Variants in FNTB observed in about 807,000 individuals in gnomAD.
FNTB encodes farnesyltransferase, CAAX box, subunit beta, also known as protein farnesyltransferase subunit beta.
Under a neutral mutation model 59.4 loss-of-function variants are expected in FNTB, and 27 were observed. The observed-to-expected ratio is 0.45, with a 90% CI of 0.34 to 0.63. The LOEUF (loss-of-function observed/expected upper bound fraction) is 0.63. Among genes scored for constraint, FNTB ranks in the 20% least tolerant of loss-of-function variants. The pLI is 0.02. For missense variants in FNTB, 449 were observed against 559.6 expected, an observed-to-expected ratio of 0.80 and a Z score of 1.99; for synonymous variants, 230 against 220.7, an observed-to-expected ratio of 1.04 and a Z score of -0.37.
At position 65,061,326 on chromosome 14, in the gene FNTB, C is replaced by A; in HGVS notation, c.*14C>A. 2 of 1,613,192 alleles carry A rather than the reference C, an allele frequency of 1.2e-6. No homozygotes were observed. The highest frequency in any genetic ancestry group is 1.7e-6 in the Non-Finnish European group (2 of 1,179,946). On this transcript the variant is annotated 3_prime_UTR_variant, in exon 12 of 12. Transcript: ENST00000246166. Reference sequence around the variant, plus strand: ...GCAACCGACTAGAGGACCTGGGTCCCGGCAGCTCTTTGCTCACCCATCTCC... The same window carrying A: ...GCAACCGACTAGAGGACCTGGGTCCAGGCAGCTCTTTGCTCACCCATCTCC...
chr14:65,026,440 G>T (rs935533643), intron 4 of FNTB, among the ~76,000 whole-genome samples: 38 of 152,274 alleles, frequency 2.5e-4, no homozygotes, highest in African/African-American at 9.1e-4. Context: ...CCAAGAACCC[G>T]CAGACTGGGA....
rs759867167 is a variant in FNTB, at chr14:65,027,461, A to C, written c.383A>C (p.Gln128Pro). ...IPQIVATDVCQFLELCQSPEG... is the reference protein window; with the variant it reads ...IPQIVATDVCPFLELCQSPEG... Reference sequence around the variant, plus strand: ...TTTGGCTGTGTACCTAGTGTGTGTCAGTTCCTGGAGCTGTGTCAGAGCCCA... The same window carrying C: ...TTTGGCTGTGTACCTAGTGTGTGTCCGTTCCTGGAGCTGTGTCAGAGCCCA... The change falls in exon 5 of 12, where the codon CAG becomes CCG. Residue 128 changes from glutamine to proline, a missense_variant. Coordinates refer to ENST00000246166, the MANE Select transcript of FNTB (RefSeq NM_002028.4). The surrounding 1 kb of genome is among the most constrained non-coding windows in gnomAD (Gnocchi z 5.7). 6 of 1,614,062 alleles carry C rather than the reference A, an allele frequency of 3.7e-6. No homozygotes were observed. The Admixed American group carries it at 1.0e-4, about 27-fold the overall frequency.
At chr14:65,021,835 G>A in intron 4 of FNTB, 1 of 425,410 alleles carries the variant, frequency 2.4e-6, no homozygotes, top group East Asian at 7.2e-5. Flanking sequence ...TAGTAGAGAT[G>A]GGGTTTCACC....
intron 1 of FNTB, among the ~76,000 whole-genome samples, chr14:64,992,839 G>A (rs1566859928): frequency 6.6e-6 from 1 of 151,676 alleles, no homozygotes; most frequent in East Asian, 1.9e-4. Flanking sequence ...TTTTTCAAAT[G>A]ATTTCTATTT....
chr14:65,045,532 C>T (rs1215052807), intron 9 of FNTB, among the ~76,000 whole-genome samples: 1 of 151,764 alleles, frequency 6.6e-6, no homozygotes, highest in Non-Finnish European at 1.5e-5. Context: ...TCTCCTGCCT[C>T]AGCCTCCTGA....
In FNTB at chr14:64,987,090, T is replaced by G. The variant is rs774776136; in HGVS notation, c.137T>G (p.Ile46Arg). ...GACTCGGTGGAAACAGTCACGTCCA[T>G]AGAACAGGTGAGGTGGCAGGACTGG... is the stretch of plus-strand genomic sequence containing the variant. Reference protein sequence around the residue: ...QDDSVETVTSIEQAKVEEKIQ... With the variant: ...QDDSVETVTSREQAKVEEKIQ... The change falls in exon 1 of 12, where the codon ATA becomes AGA. Residue 46 changes from isoleucine (I) to arginine (R), a missense_variant. Around this residue, in one of 2 missense-constraint regions of FNTB, gnomAD observed 112 missense variants for 80.5 expected, o/e 1.39. Transcript: ENST00000246166. The G allele has an allele frequency of 3.1e-6, 5 of 1,614,164 alleles. No individual in the cohort carries two copies. In the South Asian group the frequency reaches 5.5e-5, roughly 18 times the overall value.
rs887405112 is a variant in FNTB at position 65,031,853 on chromosome 14, G to A, written c.606-757G>A. On this transcript the variant is annotated intron_variant, in intron 6 of 11. Transcript: ENST00000246166. This position sits in a 1 kb window ranked among gnomAD's most constrained non-coding sequence, Gnocchi z 4.6. ...GGAGAATTGCTTGAACCCAGGAGGC[G>A]GAGGTTGCAGTGAGCTGAGATCATA... Among the ~76,000 whole-genome samples, 5 of 152,190 alleles carry A rather than the reference G, an allele frequency of 3.3e-5. No individual in the cohort carries two copies. In the East Asian group the frequency reaches 5.8e-4, roughly 18 times the overall value.
At chr14:65,060,940 T>C (rs1434283845) in intron 11 of FNTB, among the ~76,000 whole-genome samples, 1 of 151,664 alleles carries the variant, frequency 6.6e-6, no homozygotes, top group East Asian at 1.9e-4. Flanking sequence ...ACATAATATG[T>C]TGTAAGTATT....
chr14:65,018,792 AGAGT>A (rs2061827958), intron 4 of FNTB, among the ~76,000 whole-genome samples: 1 of 141,582 alleles, frequency 7.1e-6, no homozygotes, highest in South Asian at 2.3e-4. Context: ...CCTGGAGGAC[AGAGT>A]GAGACTCTGT....
In FNTB at chr14:65,027,643, C is replaced by T. The variant is rs760835006; in HGVS notation, c.521+44C>T. ...GTGACAGAAACCTAGAGGAGTTCCC[C>T]GCCTGCTGACACGCACTGACTGTTG... On this transcript the variant is annotated intron_variant, in intron 5 of 11. Coordinates refer to ENST00000246166, the MANE Select transcript of FNTB (RefSeq NM_002028.4). The surrounding 1 kb of genome is among the most constrained non-coding windows in gnomAD (Gnocchi z 5.7). The T allele has an allele frequency of 2.4e-5, 38 of 1,613,848 alleles. No homozygotes were observed. The Middle Eastern group carries it at 8.2e-4, about 35-fold the overall frequency.
At chr14:65,026,010 C>T (rs572084068) in intron 4 of FNTB, among the ~76,000 whole-genome samples, 17 of 152,268 alleles carry the variant, frequency 1.1e-4, no homozygotes, top group African/African-American at 2.9e-4. Flanking sequence ...ACTCTGAAAT[C>T]GAAAGCAATT....
At chr14:64,989,296 T>TAAAAA (rs1566858807) in intron 1 of FNTB, among the ~76,000 whole-genome samples, 1 of 115,222 alleles carries the variant, frequency 8.7e-6, no homozygotes. Context: ...AAAAAAAAAG[T>TAAAAA]AGCTGAGCGT....
rs1395254524 is a variant in FNTB, at chr14:64,994,339, T to C, written c.144+7242T>C. 2.6e-5 allele frequency among the ~76,000 whole-genome samples: 4 copies of C among 152,190 alleles called. No individual in the cohort carries two copies. The highest frequency in any genetic ancestry group is 5.9e-5 in the Non-Finnish European group (4 of 68,028). ...GAGTCTAACACAATCTCTCCATTAC[T>C]GAACAATACAAACTAATATACATAT... On this transcript the variant is annotated intron_variant, in intron 1 of 11. Coordinates refer to ENST00000246166, the MANE Select transcript of FNTB (RefSeq NM_002028.4). The surrounding 1 kb of genome is among the most constrained non-coding windows in gnomAD (Gnocchi z 4.2).
intron 7 of FNTB, among the ~76,000 whole-genome samples, chr14:65,033,709 T>C (rs2062131892): frequency 6.6e-6 from 1 of 152,012 alleles, no homozygotes; most frequent in Non-Finnish European, 1.5e-5. Flanking sequence ...TACAAAAAAT[T>C]AGCTGGGCAT....
At chr14:65,055,545 C>G (rs2062716140) in intron 11 of FNTB, among the ~76,000 whole-genome samples, 1 of 151,450 alleles carries the variant, frequency 6.6e-6, no homozygotes, top group Non-Finnish European at 1.5e-5. Context: ...GAGACAAAGT[C>G]TCACTCTGTC....
intron 11 of FNTB, among the ~76,000 whole-genome samples, chr14:65,057,365 G>A (rs544497829): frequency 6.6e-5 from 10 of 152,246 alleles, no homozygotes; most frequent in African/African-American, 2.4e-4. Context: ...GGTAGTCAAG[G>A]CTGCAGTGAG....
At position 65,061,261 on chromosome 14, in the gene FNTB, A is replaced by G. The variant is rs758099523; in HGVS notation, c.1263A>G (p.Pro421=). Residue 421 remains proline, a synonymous_variant, in exon 12 of 12, where the codon CCA becomes CCG. Transcript: ENST00000246166. The stretch of plus-strand genomic sequence containing the variant: ...CATACTTTCTACAGAAGCCAGTCCC[A>G]GGTTTTGAGGAGCTTAAGGATGAGA... ...ATTYFLQKPV[P]GFEELKDETS... 6.2e-7 allele frequency: 1 copy of G among 1,614,182 alleles called. No homozygotes were observed. Among genetic ancestry groups the G allele is most frequent in the Non-Finnish European group, 8.5e-7 (1 of 1,180,036 alleles).
rs543543318 is a variant in FNTB at position 65,054,895 on chromosome 14, C to T, written c.1182+206C>T. 4.2e-4 allele frequency among the ~76,000 whole-genome samples: 64 copies of T among 152,322 alleles called. No individual in the cohort carries two copies. The highest frequency in any genetic ancestry group is 1.4e-3 in the African/African-American group (59 of 41,562). ...GGGCAAGCTCAGGGTTCCAGATGGG[C>T]GGTCTGATCTGTCAAAGAGCTGTTG... On this transcript the variant is annotated intron_variant, in intron 11 of 11. Transcript: ENST00000246166. The surrounding 1 kb of genome is among the most constrained non-coding windows in gnomAD (Gnocchi z 4.4).
chr14:65,054,470 G>A lies in FNTB; in HGVS notation c.1068-105G>A, dbSNP rs1042594652. 3 of 1,120,876 alleles carry A rather than the reference G, an allele frequency of 2.7e-6. No homozygotes were observed. The highest frequency in any genetic ancestry group is 2.2e-5 in the Admixed American group (1 of 45,256). 69.4% of individuals were successfully genotyped at this position (1,120,876 alleles called of 1,614,324 possible). A position where few individuals can be genotyped will look rare whatever the true frequency, so the allele number is the denominator to read the frequency against. ...GCCTCCTCTAGCCACATGGAGGATG[G>A]GGGGGGACGTGTGATTGCACCAGTG... On this transcript the variant is annotated intron_variant, in intron 10 of 11. Transcript: ENST00000246166. This position sits in a 1 kb window ranked among gnomAD's most constrained non-coding sequence, Gnocchi z 4.4.
Sources: gnomAD v4.1 joint callset for allele counts (sites outside exome capture counted in the v4.1 genomes callset) on GRCh38, gnomAD v4.1.1 for gene constraint, gnomAD v4.1.1 regional missense constraint, Gnocchi (gnomAD v3.1) non-coding constraint, MANE v1.5 for transcripts, NCBI Gene and HGNC (gene_info 2026-07-23, HGNC 2026-07-21) for gene names.